Variants in M1AP observed in about 807,000 individuals in gnomAD.
M1AP encodes meiosis 1 associated protein, also known as meiosis 1 arrest protein.
In M1AP, 39 loss-of-function variants were observed where a neutral mutation model predicts 51.2. That is an observed-to-expected ratio of 0.76 (90% confidence interval 0.59 to 1.00). M1AP has a LOEUF of 1.00. Ranked by LOEUF, M1AP falls within the 50% of genes least tolerant of loss-of-function variation. M1AP has a pLI of 0.00. For missense variants in M1AP, 545 were observed against 641.2 expected (o/e 0.85, Z 1.62); for synonymous variants, 251 against 249.2 (o/e 1.01, Z -0.07).
Position 74,591,638 on chromosome 2 carries a change from C to T in M1AP, c.596-9791G>A, listed in dbSNP as rs191647440. On this transcript the variant is annotated intron_variant, in intron 4 of 10. Coordinates refer to ENST00000421985, the MANE Select transcript of M1AP (RefSeq NM_001321739.2). ...AGAACCACACCAAGCAGTTTTGACT[C>T]CTTACACCTAAGGGAACTGAAAGAA... Among the ~76,000 whole-genome samples the T allele has an allele frequency of 9.2e-5, 14 of 152,186 alleles. No individual in the cohort carries two copies. The East Asian group carries it at 2.7e-3, about 29-fold the overall frequency.
rs1024005074 is a variant in M1AP at position 74,631,232 on chromosome 2, A to C, written c.240+8804T>G. 2.0e-5 allele frequency among the ~76,000 whole-genome samples: 3 copies of C among 152,326 alleles called. No individual in the cohort carries two copies. The East Asian group carries it at 5.8e-4, about 29-fold the overall frequency. On this transcript the variant is annotated intron_variant, in intron 2 of 10. Transcript: ENST00000421985. The stretch of plus-strand genomic sequence containing the variant: ...CTCTTTATTTTTACAGCTTTTAGAA[A>C]ATCACTTTACTGTATATTTTATTTT...
chr2:74,598,075 T>C (rs28547532), intron 4 of M1AP, among the ~76,000 whole-genome samples: 6,855 of 152,284 alleles, frequency 0.045, 520 homozygotes, highest in African/African-American at 0.16. Context: ...TTTTATAATT[T>C]CTTTCTTTTT....
At chr2:74,561,199 A>AGGAGGAGGAGGAGGAGGAGGAGGAGG (rs1677957540) in intron 8 of M1AP, among the ~76,000 whole-genome samples, 1 of 34,918 alleles carries the variant, frequency 2.9e-5, no homozygotes, top group Non-Finnish European at 8.5e-5. Flanking sequence ...GGAGGAGGAG[A>AGGAGGAGGAGGAGGAGGAGGAGGAGG]AGGAGGAGGA....
Position 74,623,772 on chromosome 2 carries a change from A to T in M1AP, c.241-8623T>A, listed in dbSNP as rs1167296552. Reference sequence around the variant, plus strand: ...CTGCAGCCTCAAACTCCCAGGCTCAAGCGATTCTCTCTCCTTAGCCTCTGG... The same window carrying T: ...CTGCAGCCTCAAACTCCCAGGCTCATGCGATTCTCTCTCCTTAGCCTCTGG... On this transcript the variant is annotated intron_variant, in intron 2 of 10. Coordinates refer to ENST00000421985, the MANE Select transcript of M1AP (RefSeq NM_001321739.2). 3.3e-5 allele frequency among the ~76,000 whole-genome samples: 5 copies of T among 152,306 alleles called. No homozygotes were observed. The East Asian group carries it at 9.6e-4, about 29-fold the overall frequency.
In M1AP at chr2:74,562,256, T is replaced by C. The variant is rs1678067937; in HGVS notation, c.1242A>G (p.Leu414=). ...GGCTATCATCATGTGGGTCCTCAGG[T>C]AGCAGGGGGAAGGTGCTGGGCAGCA... ...ELMLPSTFPL[L]PEDPHDDSLK... is the part of the protein sequence containing the mutation. Residue 414 remains leucine (L), a synonymous_variant, in exon 8 of 11, where the codon CTA becomes CTG. Coordinates refer to ENST00000421985, the MANE Select transcript of M1AP (RefSeq NM_001321739.2). 1 of 1,613,828 alleles carries C rather than the reference T, an allele frequency of 6.2e-7. No homozygotes were observed. The highest frequency in any genetic ancestry group is 1.3e-5 in the African/African-American group (1 of 74,914).
At chr2:74,621,277 G>A (rs1469452701) in intron 2 of M1AP, among the ~76,000 whole-genome samples, 1 of 151,362 alleles carries the variant, frequency 6.6e-6, no homozygotes, top group Non-Finnish European at 1.5e-5. Flanking sequence ...GCGAGGCTCC[G>A]TCTCAAAAAA....
At chr2:74,566,359 G>T (rs191856701) in intron 7 of M1AP, among the ~76,000 whole-genome samples, 18 of 152,312 alleles carry the variant, frequency 1.2e-4, no homozygotes, top group Non-Finnish European at 2.2e-4. Context: ...AGGCTGTGGT[G>T]GAGGCAAGAA....
intron 7 of M1AP, among the ~76,000 whole-genome samples, chr2:74,568,060 G>A (rs931663341): frequency 7.9e-5 from 12 of 152,342 alleles, no homozygotes; most frequent in Admixed American, 5.2e-4. Context: ...GGACTGGTGC[G>A]TTGGCACTAA....
intron 2 of M1AP, among the ~76,000 whole-genome samples, chr2:74,636,393 A>C (rs1682993120): frequency 6.6e-6 from 1 of 152,102 alleles, no homozygotes. Context: ...TGGGTCATTT[A>C]AAAAATCAAC....
intron 2 of M1AP, among the ~76,000 whole-genome samples, chr2:74,616,918 A>G (rs566235200): frequency 6.6e-6 from 1 of 152,356 alleles, no homozygotes; most frequent in South Asian, 2.1e-4. Flanking sequence ...TTCAGTATCA[A>G]TTTTTATTCC....
chr2:74,631,393 CA>C (rs1191397151), intron 2 of M1AP, among the ~76,000 whole-genome samples: 2 of 152,072 alleles, frequency 1.3e-5, no homozygotes, highest in Admixed American at 6.6e-5. Context: ...ATAGAAATGA[CA>C]AAATTAGTGT....
intron 2 of M1AP, among the ~76,000 whole-genome samples, chr2:74,632,010 T>C (rs539393806): frequency 6.6e-6 from 1 of 152,318 alleles, no homozygotes; most frequent in East Asian, 1.9e-4. Flanking sequence ...TAAGCAAAGA[T>C]TGGATTGTTC....
intron 4 of M1AP, among the ~76,000 whole-genome samples, chr2:74,594,840 C>T (rs946037628): frequency 2.0e-5 from 3 of 152,108 alleles, no homozygotes; most frequent in Non-Finnish European, 2.9e-5. Flanking sequence ...GATCACGCTA[C>T]AGCACTCCAG....
intron 1 of M1AP, among the ~76,000 whole-genome samples, chr2:74,643,282 C>A (rs189934607): frequency 2.1e-4 from 32 of 152,154 alleles, no homozygotes; most frequent in African/African-American, 7.2e-4. Context: ...TATATTTCCA[C>A]ATACAGCAAT....
At chr2:74,611,721 A>G (rs1038587079) in intron 3 of M1AP, among the ~76,000 whole-genome samples, 1 of 151,500 alleles carries the variant, frequency 6.6e-6, no homozygotes, top group Admixed American at 6.6e-5. Flanking sequence ...AATCCCAGCT[A>G]TTCGGGAAGC....
intron 3 of M1AP, among the ~76,000 whole-genome samples, chr2:74,610,727 C>A (rs748417702): frequency 6.6e-6 from 1 of 151,954 alleles, no homozygotes; most frequent in Non-Finnish European, 1.5e-5. Context: ...GGATTACAGG[C>A]GTGAGCTACT....
At chr2:74,588,570 G>A (rs749391662) in intron 4 of M1AP, among the ~76,000 whole-genome samples, 1 of 152,238 alleles carries the variant, frequency 6.6e-6, no homozygotes, top group Non-Finnish European at 1.5e-5. Context: ...AGTCAAGCTT[G>A]TCTTTCTAAG....
At chr2:74,637,793 C>T (rs1297311254) in intron 2 of M1AP, among the ~76,000 whole-genome samples, 3 of 152,202 alleles carry the variant, frequency 2.0e-5, no homozygotes, top group African/African-American at 7.2e-5. Flanking sequence ...TCTAGTCCTT[C>T]AGGGTGGCTC....
Position 74,562,215 on chromosome 2 carries a change from G to A in M1AP, c.1281+2C>T. 6.2e-7 allele frequency: 1 copy of A among 1,605,464 alleles called. No homozygotes were observed. Among genetic ancestry groups the A allele is most frequent in the Non-Finnish European group, 8.5e-7 (1 of 1,174,226 alleles). On this transcript the variant is annotated splice_donor_variant, in intron 8 of 10. Coordinates refer to ENST00000421985, the MANE Select transcript of M1AP (RefSeq NM_001321739.2). LOFTEE classifies it low-confidence loss of function (GC_TO_GT_DONOR). ...GTCCCATGAGATCTGGGCTCCACTTGCCTCCACATTCTTAAGGCTATCATC... is the reference window on the plus strand; with the variant it reads ...GTCCCATGAGATCTGGGCTCCACTTACCTCCACATTCTTAAGGCTATCATC...
Sources: gnomAD v4.1 joint callset for allele counts (sites outside exome capture counted in the v4.1 genomes callset) on GRCh38, gnomAD v4.1.1 for gene constraint, MANE v1.5 for transcripts, NCBI Gene and HGNC (gene_info 2026-07-23, HGNC 2026-07-21) for gene names.